The following GRIP1 variants were observed in gnomAD, a reference collection of about 807,000 sequenced individuals.
GRIP1 encodes the protein glutamate receptor interacting protein 1.
Under a neutral mutation model 129.9 loss-of-function variants are expected in GRIP1, and 45 were observed. That is an observed-to-expected ratio of 0.35 (90% CI 0.27 to 0.44). GRIP1 has a LOEUF of 0.44. GRIP1 is among the 20% of genes least tolerant of loss of function. The pLI, the probability that GRIP1 is intolerant of heterozygous loss-of-function variation, is 1.00. For synonymous variants in GRIP1, 530 were observed against 520.8 expected (o/e 1.02, Z -0.24); for missense variants, 1,196 against 1,396.8 (o/e 0.86, Z 2.29).
At chr12:66,976,449 CTGTG>C (rs1464415958) in intron 1 of GRIP1, among the ~76,000 whole-genome samples, 2 of 152,174 alleles carry the variant, frequency 1.3e-5, no homozygotes, top group African/African-American at 4.8e-5. Context: ...GTTACTGTTA[CTGTG>C]TGTGTATTTA....
At chr12:66,577,551 A>C (rs1240937306) in intron 2 of GRIP1, among the ~76,000 whole-genome samples, 1 of 152,176 alleles carries the variant, frequency 6.6e-6, no homozygotes, top group African/African-American at 2.4e-5. Flanking sequence ...TATTGATGAG[A>C]TCCTAAGGCA....
chr12:66,986,572 G>T (rs1592431536), intron 1 of GRIP1, among the ~76,000 whole-genome samples: 1 of 149,730 alleles, frequency 6.7e-6, no homozygotes, highest in African/African-American at 2.5e-5. Context: ...GTAAACTATT[G>T]CAAGGACAAA....
At chr12:67,068,693 C>T (rs957450787) in intron 1 of GRIP1, among the ~76,000 whole-genome samples, 2 of 149,122 alleles carry the variant, frequency 1.3e-5, no homozygotes, top group Admixed American at 6.7e-5. Context: ...CCCACCATCA[C>T]CCCCCAGCAC....
chr12:66,471,132 A>G (rs1759004599), intron 7 of GRIP1, among the ~76,000 whole-genome samples: 1 of 152,228 alleles, frequency 6.6e-6, no homozygotes, highest in African/African-American at 2.4e-5. Context: ...AAGGGTGGCA[A>G]GTGGCTCTGG....
At chr12:66,819,302 C>T (rs900020179) in intron 1 of GRIP1, among the ~76,000 whole-genome samples, 1 of 152,076 alleles carries the variant, frequency 6.6e-6, no homozygotes, top group South Asian at 2.1e-4. Context: ...TCAACTAGAG[C>T]AATATAATCA....
intron 1 of GRIP1, among the ~76,000 whole-genome samples, chr12:66,623,094 C>T (rs995313929): frequency 6.6e-6 from 1 of 151,866 alleles, no homozygotes; most frequent in Non-Finnish European, 1.5e-5. Context: ...AGGTAACTGC[C>T]GAATGAATGA....
At chr12:66,976,674 C>T (rs7488420) in intron 1 of GRIP1, among the ~76,000 whole-genome samples, 23,375 of 152,128 alleles carry the variant, frequency 0.15, 1,904 homozygotes, top group Admixed American at 0.18. Context: ...ACCACTACTT[C>T]TACAGTGTGA....
intron 1 of GRIP1, among the ~76,000 whole-genome samples, chr12:66,774,929 G>A (rs1055800906): frequency 2.0e-5 from 3 of 152,106 alleles, no homozygotes; most frequent in African/African-American, 7.2e-5. Context: ...GGGGGAGGGG[G>A]AGAATACAGG....
chr12:66,569,079 G>T, intron 2 of GRIP1: 1 of 234,556 alleles, frequency 4.3e-6, no homozygotes, highest in Non-Finnish European at 8.5e-6. Context: ...ATTCCACCAT[G>T]CTATTTGCTT....
intron 24 of GRIP1, among the ~76,000 whole-genome samples, chr12:66,350,648 T>C (rs984172814): frequency 6.6e-6 from 1 of 152,050 alleles, no homozygotes; most frequent in Non-Finnish European, 1.5e-5. Context: ...CTAATATCTC[T>C]CCTCACCAAC....
chr12:67,051,480 T>C (rs1222773921), intron 1 of GRIP1, among the ~76,000 whole-genome samples: 1 of 152,230 alleles, frequency 6.6e-6, no homozygotes, highest in Non-Finnish European at 1.5e-5. Flanking sequence ...AATCCTACTG[T>C]GACTGAGACT....
At chr12:66,855,829 T>G (rs1306662891) in intron 1 of GRIP1, among the ~76,000 whole-genome samples, 1 of 152,086 alleles carries the variant, frequency 6.6e-6, no homozygotes, top group Non-Finnish European at 1.5e-5. Context: ...TAAGATATTC[T>G]TTTATTGTTC....
At chr12:66,990,820 C>A (rs2042382745) in intron 1 of GRIP1, among the ~76,000 whole-genome samples, 1 of 152,002 alleles carries the variant, frequency 6.6e-6, no homozygotes, top group Non-Finnish European at 1.5e-5. Context: ...CATGGAGGAA[C>A]CCTGTCTCTA....
At chr12:66,738,506 C>T (rs2036683537) in intron 1 of GRIP1, among the ~76,000 whole-genome samples, 1 of 152,128 alleles carries the variant, frequency 6.6e-6, no homozygotes, top group Admixed American at 6.5e-5. Context: ...CAGGCATGAA[C>T]CACCACGCCC....
In GRIP1 at chr12:66,693,642, T is replaced by C. The variant is rs138930966; in HGVS notation, c.-419-63306A>G. Among the ~76,000 whole-genome samples, 439 of 152,226 alleles carry C rather than the reference T, an allele frequency of 2.9e-3. 1 individual carries two copies. Among genetic ancestry groups the C allele is most frequent in the African/African-American group, 0.01 (417 of 41,524 alleles). On this transcript the variant is annotated intron_variant, in intron 1 of 4. Transcript: ENST00000538373. ...TACTGGAGCTCTCCCCGGTAAAATGTACACAAATTTATATGCTCACATGAC... is the reference window on the plus strand; with the variant it reads ...TACTGGAGCTCTCCCCGGTAAAATGCACACAAATTTATATGCTCACATGAC...
In GRIP1 at chr12:66,630,023, C is replaced by T. The variant is rs140899333; in HGVS notation, c.56-33096G>A. 1.8e-4 allele frequency among the ~76,000 whole-genome samples: 27 copies of T among 149,960 alleles called. 1 individual carries two copies. The highest frequency in any genetic ancestry group is 7.8e-4 in the East Asian group (4 of 5,142). ...TAATAAATTTTGCAGCTACAATATC[C>T]AAGGCTCTTTCTACTAGGTATTGAA... On this transcript the variant is annotated intron_variant, in intron 1 of 24. Transcript: ENST00000359742.
intron 7 of GRIP1, among the ~76,000 whole-genome samples, chr12:66,475,259 A>G (rs1363655419): frequency 2.6e-5 from 4 of 152,238 alleles, no homozygotes; most frequent in African/African-American, 9.6e-5. Context: ...TAAAGGGATA[A>G]ATTCAACAAG....
intron 1 of GRIP1, among the ~76,000 whole-genome samples, chr12:66,988,767 T>C (rs892373562): frequency 5.3e-5 from 8 of 152,170 alleles, no homozygotes; most frequent in Admixed American, 2.6e-4. Flanking sequence ...ATATATAATA[T>C]GGTTTTTTCA....
At chr12:66,513,665 T>C (rs2060764576) in intron 7 of GRIP1, among the ~76,000 whole-genome samples, 2 of 152,192 alleles carry the variant, frequency 1.3e-5, no homozygotes, top group African/African-American at 4.8e-5. Context: ...TTTTGTATAA[T>C]GATCTTATAT....
Sources: allele counts gnomAD v4.1 joint callset (sites outside exome capture counted in the v4.1 genomes callset), GRCh38; gene constraint gnomAD v4.1.1; transcripts MANE v1.5; gene names NCBI Gene and HGNC (gene_info 2026-07-23, HGNC 2026-07-21).